Variants in ITCH observed in about 807,000 individuals in gnomAD.
The protein encoded by ITCH is E3 ubiquitin-protein ligase Itchy homolog.
ITCH carries 28 observed loss-of-function variants against 126.8 expected under a neutral mutation model. The ratio of observed to expected loss-of-function variants is 0.22; its 90% CI spans 0.16 to 0.30. ITCH has a LOEUF of 0.30. Among genes scored for constraint, ITCH ranks in the 10% least tolerant of loss-of-function variants. The pLI is 1.00. For synonymous variants in ITCH, 342 were observed against 340.0 expected (o/e 1.01, Z -0.06); for missense variants, 631 against 1,032.4 (o/e 0.61, Z 5.33).
At chr20:34,380,344 T>A (rs1054156802) in intron 2 of ITCH, among the ~76,000 whole-genome samples, 3 of 152,174 alleles carry the variant, frequency 2.0e-5, no homozygotes, top group Admixed American at 1.3e-4. Flanking sequence ...AATGACATAT[T>A]TTTTGTTCAT....
rs191187987 is a variant in ITCH, at chr20:34,452,389, A to C, written c.1210+2909A>C. On this transcript the variant is annotated intron_variant, in intron 12 of 24. Transcript: ENST00000374864. ...TTAGAGTCTTGTTCTGCTATTTTAC[A>C]GTCTGCTTATTTTTAGGTTTCACAT... Among the ~76,000 whole-genome samples, 1,060 of 152,304 alleles carry C rather than the reference A, an allele frequency of 7.0e-3. 10 individuals carry two copies. The highest frequency in any genetic ancestry group is 0.024 in the African/African-American group (1,007 of 41,554).
rs201149238 is a variant in ITCH, at chr20:34,412,631, A to G, written c.329A>G (p.Asn110Ser). The change falls in exon 5 of 25, where the codon AAT (asparagine) becomes AGT (serine). Residue 110 changes from asparagine (N) to serine (S), a missense_variant. By Grantham distance (46) the Asn-to-Ser change is conservative. This residue lies in a region of ITCH where 220 missense variants were observed against 265.7 expected (regional missense o/e 0.83). Transcript: ENST00000374864. ...LDIYETLKSNNMKLEEVVVTL... is the reference protein window; with the variant it reads ...LDIYETLKSNSMKLEEVVVTL... The stretch of plus-strand genomic sequence containing the variant: ...ATTTATGAAACATTAAAGTCAAACA[A>G]TATGAAACGTATGTATGTAAGACTA... The G allele has an allele frequency of 4.5e-5, 72 of 1,606,974 alleles. No individual in the cohort carries two copies. The highest frequency in any genetic ancestry group is 8.3e-5 in the Admixed American group (5 of 59,974).
chr20:34,454,539 T>C (rs1985658526), intron 12 of ITCH: 1 of 152,178 alleles, frequency 6.6e-6, no homozygotes, highest in African/African-American at 2.4e-5. Flanking sequence ...GTCCCACTTT[T>C]CTGTATATTA....
intron 2 of ITCH, among the ~76,000 whole-genome samples, chr20:34,383,127 G>C (rs2038131599): frequency 6.6e-6 from 1 of 151,886 alleles, no homozygotes; most frequent in African/African-American, 2.4e-5. Flanking sequence ...CTATAGTCTT[G>C]ACCTCTCGGG....
In ITCH at chr20:34,481,218, C is replaced by T; in HGVS notation, c.2093+12C>T. On this transcript the variant is annotated intron_variant, in intron 20 of 24. Coordinates refer to ENST00000374864, the MANE Select transcript of ITCH (RefSeq NM_031483.7). ...GAGGAATACATCAGGTGAGAGTGCT[C>T]CTTTTCACATTTCACTTTTTGTTTG... The T allele has an allele frequency of 6.2e-7, 1 of 1,612,838 alleles. No individual in the cohort carries two copies. Among genetic ancestry groups the T allele is most frequent in the Non-Finnish European group, 8.5e-7 (1 of 1,179,202 alleles).
At chr20:34,479,116 G>T (rs1207832840) in intron 17 of ITCH, among the ~76,000 whole-genome samples, 2 of 152,104 alleles carry the variant, frequency 1.3e-5, no homozygotes, top group Non-Finnish European at 2.9e-5. Context: ...GAACTTTACT[G>T]CCTCTGTGAA....
intron 23 of ITCH, among the ~76,000 whole-genome samples, chr20:34,499,854 G>A (rs1211841444): frequency 6.6e-6 from 1 of 151,802 alleles, no homozygotes; most frequent in East Asian, 1.9e-4. Context: ...TATTGGTTTT[G>A]CTATATTTTA....
chr20:34,388,394 T>C (rs547998915), intron 2 of ITCH, among the ~76,000 whole-genome samples: 1 of 151,218 alleles, frequency 6.6e-6, no homozygotes, highest in East Asian at 1.9e-4. Context: ...CTTTCTTTTC[T>C]TTTTTTTTGA....
At chr20:34,366,400 T>G (rs1178372381) in intron 1 of ITCH, among the ~76,000 whole-genome samples, 1 of 152,016 alleles carries the variant, frequency 6.6e-6, no homozygotes, top group African/African-American at 2.4e-5. Flanking sequence ...ATTTTTAAAA[T>G]TTTTTTGTAG....
intron 2 of ITCH, among the ~76,000 whole-genome samples, chr20:34,372,669 C>T (rs74366561): frequency 0.02 from 2,973 of 152,066 alleles, 92 homozygotes; most frequent in African/African-American, 0.059. Flanking sequence ...CATGAGCCAC[C>T]GTACCCGGCC....
intron 9 of ITCH, among the ~76,000 whole-genome samples, chr20:34,440,811 C>A (rs773327828): frequency 3.9e-5 from 6 of 152,078 alleles, no homozygotes; most frequent in Non-Finnish European, 5.9e-5. Flanking sequence ...AAGGAAAACA[C>A]ACCATATTTG....
intron 20 of ITCH, among the ~76,000 whole-genome samples, chr20:34,486,050 G>A (rs1989083263): frequency 6.6e-6 from 1 of 151,988 alleles, no homozygotes; most frequent in South Asian, 2.1e-4. Flanking sequence ...CTCACTCTGA[G>A]GTTGCCCAGG....
At chr20:34,465,856 A>G (rs1188266702) in intron 14 of ITCH, among the ~76,000 whole-genome samples, 4 of 151,826 alleles carry the variant, frequency 2.6e-5, no homozygotes, top group Non-Finnish European at 1.5e-5. Flanking sequence ...CTGAAAACAG[A>G]TAAGTTTTCT....
At chr20:34,381,896 C>CAA (rs1433435829) in intron 2 of ITCH, among the ~76,000 whole-genome samples, 16 of 151,522 alleles carry the variant, frequency 1.1e-4, no homozygotes, top group Non-Finnish European at 1.5e-5. Context: ...AAGAAATACT[C>CAA]AAAACACTCA....
intron 14 of ITCH, 113 bp from the exon 15 acceptor site, chr20:34,469,935 T>C (rs1425431220): frequency 2.5e-6 from 2 of 806,004 alleles, no homozygotes; most frequent in African/African-American, 1.7e-5. Flanking sequence ...GAATATGCTA[T>C]ATTTTTGAAT....
intron 2 of ITCH, among the ~76,000 whole-genome samples, chr20:34,386,374 G>A (rs551329371): frequency 1.3e-5 from 2 of 152,244 alleles, no homozygotes; most frequent in East Asian, 3.9e-4. Context: ...TTTTTCACTT[G>A]AGTAGTGTTT....
At chr20:34,371,475 G>A (rs985207739) in intron 2 of ITCH, among the ~76,000 whole-genome samples, 15 of 151,350 alleles carry the variant, frequency 9.9e-5, no homozygotes, top group Admixed American at 2.6e-4. Context: ...GTAGAGACGG[G>A]GTTTCACCAC....
At chr20:34,375,054 T>C (rs576493995) in intron 2 of ITCH, among the ~76,000 whole-genome samples, 1 of 151,336 alleles carries the variant, frequency 6.6e-6, no homozygotes, top group South Asian at 2.1e-4. Flanking sequence ...TTTTTTTTTT[T>C]TTTTGAGACA....
intron 6 of ITCH, chr20:34,417,317 G>A: frequency 1.0e-4 from 41 of 392,226 alleles, no homozygotes; most frequent in Non-Finnish European, 1.5e-4. Flanking sequence ...GGCTGGCTTT[G>A]AACTCCCGAC....
Sources: allele counts gnomAD v4.1 joint callset (sites outside exome capture counted in the v4.1 genomes callset), GRCh38; gene constraint gnomAD v4.1.1; regional missense constraint gnomAD v4.1.1; transcripts MANE v1.5; gene names NCBI Gene and HGNC (gene_info 2026-07-23, HGNC 2026-07-21).